EXT1: variants seen among roughly 807,000 people sequenced by gnomAD.
The protein encoded by EXT1 is exostosin-1.
A neutral mutation model predicts 82.5 loss-of-function variants in EXT1; 20 were observed. The ratio of observed to expected loss-of-function variants is 0.24; its 90% confidence interval spans 0.17 to 0.35. The LOEUF (loss-of-function observed/expected upper bound fraction) is 0.35, where lower values mean the gene tolerates loss of function less well. EXT1 is among the 10% of genes least tolerant of loss of function. The pLI, the probability that EXT1 is intolerant of heterozygous loss-of-function variation, is 1.00. For synonymous variants in EXT1, 348 were observed against 350.8 expected (o/e 0.99, Z 0.09); for missense variants, 757 against 936.5 (o/e 0.81, Z 2.50).
At chr8:117,895,851 C>CTCCGTT (rs1176798367) in intron 1 of EXT1, among the ~76,000 whole-genome samples, 1 of 152,140 alleles carries the variant, frequency 6.6e-6, no homozygotes, top group East Asian at 1.9e-4. Context: ...TGCCTAGTGC[C>CTCCGTT]TCCGTTCGCA....
rs1166397963 is a variant in EXT1, at chr8:117,797,233, T to C, written c.*2479A>G. ...AAGCATTGTTCTATTCCCAGCCTTA[T>C]ATTCCAAATGGGAGAAGAACACGCT... is the stretch of plus-strand genomic sequence containing the variant. On this transcript the variant is annotated 3_prime_UTR_variant, in exon 11 of 11. Coordinates refer to ENST00000378204, the MANE Select transcript of EXT1 (RefSeq NM_000127.3). The C allele has an allele frequency of 6.6e-6, 1 of 152,266 alleles. No individual in the cohort carries two copies. The highest frequency in any genetic ancestry group is 1.5e-5 in the Non-Finnish European group (1 of 68,044). 9.4% of individuals were successfully genotyped at this position (152,266 alleles called of 1,614,324 possible).
chr8:118,027,018 AT>A (rs1457267146), intron 1 of EXT1, among the ~76,000 whole-genome samples: 8 of 152,112 alleles, frequency 5.3e-5, no homozygotes, highest in Non-Finnish European at 1.2e-4. Context: ...AGGCAGGAGG[AT>A]TGCCTGAGCC....
chr8:117,805,809 C>T (rs537575499), intron 9 of EXT1, among the ~76,000 whole-genome samples: 1 of 152,328 alleles, frequency 6.6e-6, no homozygotes, highest in African/African-American at 2.4e-5. Flanking sequence ...GCTATCTACC[C>T]TCACTAGTTT....
intron 1 of EXT1, among the ~76,000 whole-genome samples, chr8:117,840,741 A>G (rs1200213656): frequency 6.6e-6 from 1 of 152,242 alleles, no homozygotes; most frequent in Non-Finnish European, 1.5e-5. Context: ...AAACTTTAAA[A>G]GAGGCTAAGG....
chr8:117,989,054 CT>C (rs1815380526), intron 1 of EXT1, among the ~76,000 whole-genome samples: 1 of 135,782 alleles, frequency 7.4e-6, no homozygotes, highest in Admixed American at 7.4e-5. Flanking sequence ...AGCTAGACCC[CT>C]CCTCTCAAAA....
At chr8:118,045,073 A>G (rs1373254623) in intron 1 of EXT1, among the ~76,000 whole-genome samples, 2 of 152,258 alleles carry the variant, frequency 1.3e-5, no homozygotes, top group Non-Finnish European at 2.9e-5. Flanking sequence ...CACAAAGTAC[A>G]GTGCTTTCAA....
intron 1 of EXT1, among the ~76,000 whole-genome samples, chr8:117,960,313 T>C (rs897348145): frequency 8.5e-5 from 13 of 152,270 alleles, no homozygotes; most frequent in African/African-American, 3.1e-4. Context: ...GCACTTTTCA[T>C]GGTAAAACTT....
At chr8:117,973,939 A>AAGGG (rs1160959163) in intron 1 of EXT1, among the ~76,000 whole-genome samples, 1 of 133,676 alleles carries the variant, frequency 7.5e-6, no homozygotes, top group Non-Finnish European at 1.6e-5. Context: ...GCAAGGAAGG[A>AAGGG]AGGAAGGAAG....
At chr8:117,920,068 AAGAG>A (rs1649587305) in intron 1 of EXT1, among the ~76,000 whole-genome samples, 1 of 152,118 alleles carries the variant, frequency 6.6e-6, no homozygotes, top group African/African-American at 2.4e-5. Flanking sequence ...AGAGAGAACA[AAGAG>A]AGAGGCAACA....
intron 2 of EXT1, 73 bp from the exon 3 acceptor site, chr8:117,835,624 A>C: frequency 8.9e-7 from 1 of 1,125,242 alleles, no homozygotes; most frequent in Non-Finnish European, 1.4e-6. Flanking sequence ...AGGTGAAATC[A>C]GTACAAACTC....
At position 117,794,534 on chromosome 8, in the gene EXT1, T is replaced by C. The variant is rs918979998; in HGVS notation, c.*5178A>G. ...TTAATAATTTCTTTTTTTTTTCTTC[T>C]ATAAATTGGAAGGAAAAAGTCTTTG... On this transcript the variant is annotated 3_prime_UTR_variant, in exon 11 of 11. Transcript: ENST00000378204. 6.6e-6 allele frequency: 1 copy of C among 152,176 alleles called. No individual in the cohort carries two copies. Among genetic ancestry groups the C allele is most frequent in the African/African-American group, 2.4e-5 (1 of 41,438 alleles). 9.4% of individuals were successfully genotyped at this position (152,176 alleles called of 1,614,324 possible).
intron 1 of EXT1, among the ~76,000 whole-genome samples, chr8:117,897,367 C>T (rs550680526): frequency 5.3e-5 from 8 of 152,266 alleles, no homozygotes; most frequent in East Asian, 1.9e-4. Flanking sequence ...CTCTCCCCCA[C>T]GAGTGGAAGT....
At chr8:118,055,003 T>A (rs1816774438) in intron 1 of EXT1, among the ~76,000 whole-genome samples, 1 of 152,060 alleles carries the variant, frequency 6.6e-6, no homozygotes, top group Admixed American at 6.5e-5. Context: ...GAGCTATAAT[T>A]GATATGCGAT....
intron 1 of EXT1, among the ~76,000 whole-genome samples, chr8:118,100,223 G>T (rs149918120): frequency 1.5e-3 from 229 of 152,302 alleles, no homozygotes; most frequent in African/African-American, 5.2e-3. Flanking sequence ...AGGAACAAAG[G>T]AGCCTGGCCC....
intron 1 of EXT1, among the ~76,000 whole-genome samples, chr8:118,026,228 C>T (rs1401488178): frequency 1.3e-5 from 2 of 152,182 alleles, no homozygotes; most frequent in African/African-American, 4.8e-5. Flanking sequence ...GACATCACTC[C>T]TCTGTCCACA....
intron 1 of EXT1, among the ~76,000 whole-genome samples, chr8:118,009,262 T>C (rs1408264136): frequency 6.6e-6 from 1 of 152,164 alleles, no homozygotes; most frequent in African/African-American, 2.4e-5. Flanking sequence ...CAACCAGCAA[T>C]GTGTCTAGGA....
At chr8:117,868,638 CG>C (rs1357185423) in intron 1 of EXT1, among the ~76,000 whole-genome samples, 1 of 151,750 alleles carries the variant, frequency 6.6e-6, no homozygotes, top group Non-Finnish European at 1.5e-5. Context: ...TTTGTAGAGA[CG>C]AGGTCCCACT....
chr8:118,092,736 CGT>C (rs1295702388), intron 1 of EXT1, among the ~76,000 whole-genome samples: 1 of 152,210 alleles, frequency 6.6e-6, no homozygotes, highest in African/African-American at 2.4e-5. Context: ...GACAGAAAAA[CGT>C]GTAATACAAG....
rs1815645425 is a variant in EXT1, at chr8:118,000,762, T to C, written c.962+109323A>G. The stretch of plus-strand genomic sequence containing the variant: ...TAGCTGTAACTAGAAATAGAGCACC[T>C]GGCAAATCATCACATCATGGATGTC... On this transcript the variant is annotated intron_variant, in intron 1 of 10. Coordinates refer to ENST00000378204, the MANE Select transcript of EXT1 (RefSeq NM_000127.3). Among the ~76,000 whole-genome samples the C allele has an allele frequency of 2.0e-5, 3 of 152,096 alleles. No individual in the cohort carries two copies. In the South Asian group the frequency reaches 6.2e-4, roughly 31 times the overall value.
Sources: gnomAD v4.1 joint callset for allele counts (sites outside exome capture counted in the v4.1 genomes callset) on GRCh38, gnomAD v4.1.1 for gene constraint, MANE v1.5 for transcripts, NCBI Gene and HGNC (gene_info 2026-07-23, HGNC 2026-07-21) for gene names.